NUCB2: variants seen among roughly 807,000 people sequenced by gnomAD.
NUCB2 encodes the protein nucleobindin-2.
In NUCB2, 48 loss-of-function variants were observed where a neutral mutation model predicts 57.9. That is an observed-to-expected ratio of 0.83 (90% confidence interval 0.66 to 1.05). The LOEUF (loss-of-function observed/expected upper bound fraction) is 1.05, where lower values mean the gene tolerates loss of function less well. NUCB2 is among the 50% of genes least tolerant of loss of function. The pLI, the probability that NUCB2 is intolerant of heterozygous loss-of-function variation, is 0.00. For missense variants in NUCB2, 442 were observed against 476.2 expected (o/e 0.93, Z 0.67); for synonymous variants, 139 against 152.1 (o/e 0.91, Z 0.64).
chr11:17,311,207 A>G lies in NUCB2; in HGVS notation c.684A>G (p.Gln228=), dbSNP rs750301782. The part of the protein sequence containing the change: ...PKVNHPGSKD[Q]LKEVWEETDG... ...TTGGTTCACAGGGAAGCAAAGATCA[A>G]CTAAAAGAGGTATGGGAAGAGACTG... Residue 228 remains glutamine (Q), a synonymous_variant, in exon 8 of 14, where the codon CAA becomes CAG. Transcript: ENST00000529010. 5 of 1,602,602 alleles carry G rather than the reference A, an allele frequency of 3.1e-6. No homozygotes were observed. The highest frequency in any genetic ancestry group is 2.3e-5 in the South Asian group (2 of 88,466).
chr11:17,284,451 T>A (rs193154238), intron 2 of NUCB2, among the ~76,000 whole-genome samples: 170 of 152,300 alleles, frequency 1.1e-3, no homozygotes, highest in African/African-American at 3.8e-3. Flanking sequence ...ATTCAGGGAA[T>A]GGAAATTGGA....
intron 11 of NUCB2, among the ~76,000 whole-genome samples, chr11:17,320,409 C>T (rs1246943126): frequency 6.6e-6 from 1 of 152,136 alleles, no homozygotes; most frequent in African/African-American, 2.4e-5. Flanking sequence ...GTAGCTCATG[C>T]CTGTAATCTC....
intron 4 of NUCB2, among the ~76,000 whole-genome samples, chr11:17,300,967 C>CTTTTTTT (rs71047541): frequency 2.4e-4 from 20 of 84,402 alleles, no homozygotes; most frequent in Non-Finnish European, 3.8e-4. Context: ...TAAAGCTAAT[C>CTTTTTTT]TTTTTTTTTT....
At chr11:17,311,682 T>C (rs1948508188) in intron 8 of NUCB2, among the ~76,000 whole-genome samples, 190 bp from the exon 9 acceptor site, 1 of 152,238 alleles carries the variant, frequency 6.6e-6, no homozygotes, top group Non-Finnish European at 1.5e-5. Context: ...GATTATGAAT[T>C]ACAAATAAAT....
chr11:17,277,708 A>C (rs562224860), intron 1 of NUCB2, among the ~76,000 whole-genome samples: 1 of 152,362 alleles, frequency 6.6e-6, no homozygotes, highest in Admixed American at 6.5e-5. Flanking sequence ...GAACACTAAA[A>C]GATATTACCT....
At chr11:17,318,843 C>G (rs912697886) in intron 11 of NUCB2, among the ~76,000 whole-genome samples, 1 of 152,106 alleles carries the variant, frequency 6.6e-6, no homozygotes, top group African/African-American at 2.4e-5. Context: ...AAAAGACTTA[C>G]GCCATTTATA....
At chr11:17,349,187 C>A (rs1190683869) in intron 2 of NUCB2, among the ~76,000 whole-genome samples, 1 of 152,220 alleles carries the variant, frequency 6.6e-6, no homozygotes, top group Non-Finnish European at 1.5e-5. Context: ...TTTTCAGAGA[C>A]TTACAAGACT....
chr11:17,306,305 A>G (rs186643763), intron 5 of NUCB2, among the ~76,000 whole-genome samples: 4 of 152,318 alleles, frequency 2.6e-5, no homozygotes, highest in Admixed American at 1.3e-4. Flanking sequence ...TCTCCTAGAA[A>G]TCTTGTTAGA....
chr11:17,302,646 C>G (rs1307022831), intron 5 of NUCB2, among the ~76,000 whole-genome samples: 2 of 152,116 alleles, frequency 1.3e-5, no homozygotes, highest in African/African-American at 4.8e-5. Flanking sequence ...TCATAGCTCA[C>G]TGCAGCCTTG....
intron 2 of NUCB2, among the ~76,000 whole-genome samples, chr11:17,288,961 A>C (rs56149006): frequency 1.8e-5 from 1 of 56,422 alleles, no homozygotes; most frequent in African/African-American, 9.1e-5. Flanking sequence ...ATATATATAT[A>C]TATTTTTTTT....
At chr11:17,290,961 C>T (rs899522400) in intron 2 of NUCB2, among the ~76,000 whole-genome samples, 75 of 152,074 alleles carry the variant, frequency 4.9e-4, no homozygotes, top group African/African-American at 1.8e-3. Context: ...GTATACAATT[C>T]ACTGGCTTTT....
At chr11:17,287,653 A>G (rs1196190304) in intron 2 of NUCB2, among the ~76,000 whole-genome samples, 1 of 148,042 alleles carries the variant, frequency 6.8e-6, no homozygotes, top group East Asian at 2.0e-4. Flanking sequence ...AGCCTGGGCA[A>G]CAGAGCAAAA....
chr11:17,288,954 TATATA>T (rs1944428549), intron 2 of NUCB2, among the ~76,000 whole-genome samples: 1 of 52,438 alleles, frequency 1.9e-5, no homozygotes, highest in African/African-American at 1.0e-4. Context: ...CACACACATA[TATATA>T]TATATTTTTT....
chr11:17,298,549 C>T (rs773689356), intron 4 of NUCB2, among the ~76,000 whole-genome samples: 1 of 151,672 alleles, frequency 6.6e-6, no homozygotes, highest in Non-Finnish European at 1.5e-5. Context: ...GCCCGCATGA[C>T]ACAGAGCGAG....
At position 17,315,441 on chromosome 11, in the gene NUCB2, A is replaced by G. The variant is rs757930720; in HGVS notation, c.968A>G (p.Glu323Gly). ...CTGGAGGAGTTTTTGAAAGCCACAG[A>G]AAAAAAAGAATTCTTGGAGCCAGAT... ...VTLEEFLKATEKKEFLEPDSW... is the reference protein window; with the variant it reads ...VTLEEFLKATGKKEFLEPDSW... Residue 323 changes from glutamate to glycine, a missense_variant, in exon 11 of 14, where the codon GAA becomes GGA. Coordinates refer to ENST00000529010, the MANE Select transcript of NUCB2 (RefSeq NM_005013.4). 1.2e-5 allele frequency: 19 copies of G among 1,607,538 alleles called. No individual in the cohort carries two copies. The highest frequency in any genetic ancestry group is 4.5e-5 in the East Asian group (2 of 44,660).
intron 3 of NUCB2, 127 bp from the exon 4 acceptor site, chr11:17,295,977 G>C: frequency 1.9e-6 from 1 of 517,670 alleles, no homozygotes; most frequent in South Asian, 3.1e-5. Context: ...TTTTCACTTT[G>C]TTGAAACTAT....
intron 7 of NUCB2, 80 bp from the exon 8 acceptor site, chr11:17,311,113 A>C: frequency 7.0e-7 from 1 of 1,419,684 alleles, no homozygotes; most frequent in Non-Finnish European, 9.6e-7. Flanking sequence ...TTCTTCTGCC[A>C]AGTTCCTCAA....
chr11:17,343,872 C>T (rs1952497670), intron 2 of NUCB2, among the ~76,000 whole-genome samples: 1 of 152,110 alleles, frequency 6.6e-6, no homozygotes, highest in African/African-American at 2.4e-5. Context: ...CAGTCCTAAT[C>T]CCATATCATT....
intron 2 of NUCB2, among the ~76,000 whole-genome samples, chr11:17,345,504 A>C (rs1347885907): frequency 2.0e-5 from 3 of 152,168 alleles, no homozygotes; most frequent in East Asian, 1.9e-4. Flanking sequence ...GTCAGGTGTT[A>C]AAGACCAGCC....
Sources: allele counts gnomAD v4.1 joint callset (sites outside exome capture counted in the v4.1 genomes callset), GRCh38; gene constraint gnomAD v4.1.1; transcripts MANE v1.5; gene names NCBI Gene and HGNC (gene_info 2026-07-23, HGNC 2026-07-21).